Variants in PPP4R2 observed in about 807,000 individuals in gnomAD.
The protein encoded by PPP4R2 is protein phosphatase 4 regulatory subunit 2, also known as serine/threonine-protein phosphatase 4 regulatory subunit 2.
A neutral mutation model predicts 47.2 loss-of-function variants in PPP4R2; 13 were observed. The observed-to-expected ratio is 0.28, with a 90% CI of 0.18 to 0.44. The LOEUF (loss-of-function observed/expected upper bound fraction) is 0.44, where lower values mean the gene tolerates loss of function less well. PPP4R2 is among the 20% of genes least tolerant of loss of function. The pLI is 1.00. For synonymous variants in PPP4R2, 151 were observed against 163.3 expected, an observed-to-expected ratio of 0.92 and a Z score of 0.57; for missense variants, 421 against 491.2, an observed-to-expected ratio of 0.86 and a Z score of 1.35.
At chr3:73,009,097 A>AC (rs1217575710) in intron 2 of PPP4R2, among the ~76,000 whole-genome samples, 4 of 151,854 alleles carry the variant, frequency 2.6e-5, no homozygotes, top group Non-Finnish European at 5.9e-5. Context: ...TCATCACTTA[A>AC]GTTACTGTTG....
intron 2 of PPP4R2, among the ~76,000 whole-genome samples, chr3:73,038,484 C>T (rs1702310207): frequency 1.3e-5 from 2 of 152,054 alleles, no homozygotes; most frequent in Non-Finnish European, 2.9e-5. Context: ...CAACCTCCAC[C>T]TCCCAGGTTC....
chr3:73,060,703 C>T (rs1261802426), intron 4 of PPP4R2, among the ~76,000 whole-genome samples: 2 of 152,060 alleles, frequency 1.3e-5, no homozygotes, highest in African/African-American at 2.4e-5. Flanking sequence ...CTCTCAACAT[C>T]TTTGTTGATT....
intron 3 of PPP4R2, among the ~76,000 whole-genome samples, chr3:73,050,880 G>A (rs1257903644): frequency 6.6e-6 from 1 of 152,092 alleles, no homozygotes; most frequent in African/African-American, 2.4e-5. Flanking sequence ...GTTGATGAAT[G>A]TCATGTTTTG....
chr3:73,015,715 G>A, intron 2 of PPP4R2: 1 of 354,924 alleles, frequency 2.8e-6, no homozygotes, highest in Non-Finnish European at 5.7e-6. Flanking sequence ...TCGGCTCACT[G>A]CAAGCTCCAC....
intron 2 of PPP4R2, among the ~76,000 whole-genome samples, chr3:73,001,293 C>G (rs1037297573): frequency 2.0e-5 from 3 of 151,920 alleles, no homozygotes; most frequent in African/African-American, 2.4e-5. Flanking sequence ...TGCAGTGATT[C>G]ATGTCTGTAA....
At chr3:73,009,917 C>T (rs559437304) in intron 2 of PPP4R2, among the ~76,000 whole-genome samples, 1 of 152,288 alleles carries the variant, frequency 6.6e-6, no homozygotes, top group South Asian at 2.1e-4. Flanking sequence ...ATGAGCAGTC[C>T]TGTTGATGTG....
intron 2 of PPP4R2, among the ~76,000 whole-genome samples, chr3:73,012,933 C>A (rs1701753717): frequency 1.4e-5 from 2 of 148,120 alleles, no homozygotes; most frequent in Non-Finnish European, 3.0e-5. Context: ...ACCACCCTTA[C>A]CAGTGAATAC....
chr3:73,046,045 CTT>C, intron 2 of PPP4R2, among the ~76,000 whole-genome samples: 1 of 152,174 alleles, frequency 6.6e-6, no homozygotes, highest in Middle Eastern at 3.4e-3. Context: ...ATTTTTATAT[CTT>C]TTACACTTTA....
chr3:73,003,693 T>G (rs184875922), intron 2 of PPP4R2, among the ~76,000 whole-genome samples: 44 of 123,698 alleles, frequency 3.6e-4, no homozygotes, highest in Admixed American at 1.8e-3. Context: ...ATTTCTGGAG[T>G]TTTTTTTTGT....
At chr3:73,035,732 C>G (rs1193448844) in intron 2 of PPP4R2, among the ~76,000 whole-genome samples, 9 of 151,962 alleles carry the variant, frequency 5.9e-5, no homozygotes, top group Non-Finnish European at 1.0e-4. Flanking sequence ...TCAAGTGATT[C>G]TCCTGCTTCG....
At position 73,066,257 on chromosome 3, in the gene PPP4R2, T is replaced by TATATATATAA. The variant is rs1325227547; in HGVS notation, c.*540_*541insTATAAATATA. On this transcript the variant is annotated 3_prime_UTR_variant, in exon 9 of 9. Coordinates refer to ENST00000356692, the MANE Select transcript of PPP4R2 (RefSeq NM_174907.4). ...ATACATACATATATATATATATATA[T>TATATATATAA]ATATAATTCTAAGGGGGGAAATGTT... The TATATATATAA allele has an allele frequency of 2.7e-5, 4 of 147,218 alleles. No homozygotes were observed. Among genetic ancestry groups the TATATATATAA allele is most frequent in the Non-Finnish European group, 3.0e-5 (2 of 66,774 alleles). 9.1% of individuals were successfully genotyped at this position (147,218 alleles called of 1,614,324 possible).
intron 4 of PPP4R2, 151 bp from the exon 5 acceptor site, chr3:73,060,872 A>T: frequency 2.0e-6 from 1 of 509,816 alleles, no homozygotes; most frequent in Non-Finnish European, 3.4e-6. Context: ...TTGCTGTTTC[A>T]CCAGTTTTCA....
intron 2 of PPP4R2, among the ~76,000 whole-genome samples, chr3:73,041,623 A>G (rs772923499): frequency 6.6e-5 from 10 of 152,202 alleles, no homozygotes; most frequent in African/African-American, 9.7e-5. Flanking sequence ...ATGGTGCAGT[A>G]TTTGCTATCC....
intron 2 of PPP4R2, among the ~76,000 whole-genome samples, chr3:73,037,252 T>G (rs1221058961): frequency 6.6e-6 from 1 of 152,242 alleles, no homozygotes; most frequent in Non-Finnish European, 1.5e-5. Flanking sequence ...GAGTATATTT[T>G]TTTAAATGAA....
chr3:73,059,124 A>G lies in PPP4R2; in HGVS notation c.375A>G (p.Val125=), dbSNP rs772656947. The G allele has an allele frequency of 2.0e-6, 3 of 1,494,976 alleles. No individual in the cohort carries two copies. The highest frequency in any genetic ancestry group is 2.4e-5 in the South Asian group (2 of 83,578). 92.6% of individuals were successfully genotyped at this position (1,494,976 alleles called of 1,614,324 possible). ...GAACAGACAAATTTCTCAGAGGAGT[A>G]GAAAAGGTATTTATTTTATTATTGG... ...YTGTDKFLRG[V]EKNVMVVSCV... is the part of the protein sequence containing the mutation. Residue 125 remains valine (V), a synonymous_variant, in exon 4 of 9, where the codon GTA becomes GTG. Transcript: ENST00000356692.
chr3:73,044,267 C>T (rs1702438054), intron 2 of PPP4R2, among the ~76,000 whole-genome samples: 1 of 151,926 alleles, frequency 6.6e-6, no homozygotes, highest in African/African-American at 2.4e-5. Flanking sequence ...AACTGCTTTC[C>T]ACAGTGACTG....
chr3:73,032,754 C>CT (rs1702191706), intron 2 of PPP4R2, among the ~76,000 whole-genome samples: 1 of 152,200 alleles, frequency 6.6e-6, no homozygotes, highest in Admixed American at 6.5e-5. Flanking sequence ...CCCACTTTAA[C>CT]TGCTCATTTT....
chr3:73,049,589 T>G (rs1038679822), intron 3 of PPP4R2, among the ~76,000 whole-genome samples: 2 of 152,158 alleles, frequency 1.3e-5, no homozygotes, highest in African/African-American at 4.8e-5. Flanking sequence ...TTTATTTCAA[T>G]AAATTATGGC....
At chr3:73,063,127 A>G in intron 5 of PPP4R2, 1 of 519,442 alleles carries the variant, frequency 1.9e-6, no homozygotes, top group South Asian at 2.5e-5. Context: ...AAACTTAGCA[A>G]CAGCGGCAAA....
Sources: gnomAD v4.1 joint callset for allele counts (sites outside exome capture counted in the v4.1 genomes callset) on GRCh38, gnomAD v4.1.1 for gene constraint, MANE v1.5 for transcripts, NCBI Gene and HGNC (gene_info 2026-07-23, HGNC 2026-07-21) for gene names.